Variants in FYN observed in about 807,000 individuals in gnomAD.
The protein encoded by FYN is tyrosine-protein kinase Fyn.
FYN carries 10 observed loss-of-function variants against 70.2 expected under a neutral mutation model. That is an observed-to-expected ratio of 0.14 (90% confidence interval 0.09 to 0.24). The LOEUF is 0.24. Ranked by LOEUF, FYN falls within the 10% of genes least tolerant of loss-of-function variation. The pLI is 1.00. For synonymous variants in FYN, 236 were observed against 248.6 expected (o/e 0.95, Z 0.48); for missense variants, 319 against 673.1 (o/e 0.47, Z 5.82).
intron 3 of FYN, among the ~76,000 whole-genome samples, chr6:111,723,921 C>A (rs1801070132): frequency 6.6e-6 from 1 of 152,104 alleles, no homozygotes; most frequent in African/African-American, 2.4e-5. Context: ...ATACCACATG[C>A]CATGAACTCA....
chr6:111,684,379 G>A (rs941151458), intron 12 of FYN, among the ~76,000 whole-genome samples: 6 of 152,164 alleles, frequency 3.9e-5, no homozygotes, highest in Admixed American at 3.9e-4. Context: ...TTCAAGACTG[G>A]ACAGAGAAGA....
intron 1 of FYN, among the ~76,000 whole-genome samples, chr6:111,854,942 C>T (rs1335534162): frequency 2.0e-5 from 3 of 152,164 alleles, no homozygotes; most frequent in East Asian, 3.9e-4. Context: ...ATTTAACATA[C>T]GCAGCTGCAG....
At chr6:111,844,070 T>C (rs1284306508) in intron 2 of FYN, among the ~76,000 whole-genome samples, 2 of 152,228 alleles carry the variant, frequency 1.3e-5, no homozygotes, top group Admixed American at 6.5e-5. Context: ...AGTAGAATCC[T>C]TACTATAACT....
At chr6:111,745,601 A>C (rs991512298) in intron 3 of FYN, among the ~76,000 whole-genome samples, 5 of 152,180 alleles carry the variant, frequency 3.3e-5, no homozygotes, top group African/African-American at 1.2e-4. Flanking sequence ...GCAGGGCCCA[A>C]ATGTGAAGGA....
At position 111,775,189 on chromosome 6, in the gene FYN, T is replaced by C. The variant is rs544136602; in HGVS notation, c.-12+5377A>G. On this transcript the variant is annotated intron_variant, in intron 3 of 13. Coordinates refer to ENST00000354650, the MANE Select transcript of FYN (RefSeq NM_002037.5). ...ATGCACTAGAATATGTGACAGCTAC[T>C]TGTTCTGAAAATGTTCCCCTTAATA... Among the ~76,000 whole-genome samples the C allele has an allele frequency of 4.6e-5, 7 of 152,324 alleles. No individual in the cohort carries two copies. The East Asian group carries it at 1.3e-3, about 29-fold the overall frequency.
At chr6:111,696,560 C>T in intron 9 of FYN, 104 bp from the exon 10 acceptor site, 1 of 877,870 alleles carries the variant, frequency 1.1e-6, no homozygotes, top group African/African-American at 1.7e-5. Flanking sequence ...AAATTTAAAA[C>T]ACTTAATACA....
chr6:111,800,893 G>A (rs1373885256), intron 2 of FYN, among the ~76,000 whole-genome samples: 1 of 152,110 alleles, frequency 6.6e-6, no homozygotes, highest in Non-Finnish European at 1.5e-5. Context: ...AGTATAAATG[G>A]CAAATGACTA....
At chr6:111,822,840 AC>A (rs752441712) in intron 2 of FYN, among the ~76,000 whole-genome samples, 3 of 152,204 alleles carry the variant, frequency 2.0e-5, no homozygotes, top group Admixed American at 6.5e-5. Flanking sequence ...ATGCATGTCA[AC>A]CACACCATCA....
chr6:111,841,519 T>A (rs1010142833), intron 2 of FYN, among the ~76,000 whole-genome samples: 1 of 152,190 alleles, frequency 6.6e-6, no homozygotes, highest in Non-Finnish European at 1.5e-5. Context: ...GGCAATTCAT[T>A]CCCCTTTGGC....
chr6:111,690,271 G>A (rs1486037764), intron 12 of FYN, among the ~76,000 whole-genome samples: 6 of 152,098 alleles, frequency 3.9e-5, no homozygotes, highest in East Asian at 1.9e-4. Flanking sequence ...GCAGTGGTGG[G>A]GTAGGGAGGT....
chr6:111,711,976 C>G (rs1800400483), intron 5 of FYN, among the ~76,000 whole-genome samples: 1 of 152,144 alleles, frequency 6.6e-6, no homozygotes, highest in Non-Finnish European at 1.5e-5. Context: ...TCTACAAGAA[C>G]AGGGTTGGAG....
chr6:111,771,536 C>G (rs974585140), intron 3 of FYN, among the ~76,000 whole-genome samples: 6 of 152,108 alleles, frequency 3.9e-5, no homozygotes, highest in African/African-American at 1.4e-4. Context: ...TCCCCCAAAT[C>G]AAAACACTAT....
intron 2 of FYN, among the ~76,000 whole-genome samples, chr6:111,831,508 A>T (rs942259005): frequency 1.3e-5 from 2 of 152,140 alleles, no homozygotes; most frequent in African/African-American, 4.8e-5. Context: ...AATATTCACA[A>T]ATCTGTAATA....
At position 111,779,120 on chromosome 6, in the gene FYN, C is replaced by CTTTTTT. The variant is rs776994144; in HGVS notation, c.-12+1445_-12+1446insAAAAAA. 2.8e-4 allele frequency among the ~76,000 whole-genome samples: 31 copies of CTTTTTT among 112,564 alleles called. 1 individual carries two copies. The highest frequency in any genetic ancestry group is 6.7e-4 in the African/African-American group (19 of 28,326). The allele number at this position is 112,564 out of a possible 152,430, so 73.8% of individuals were successfully genotyped here. A position where few individuals can be genotyped will look rare whatever the true frequency, so the allele number is the denominator to read the frequency against. ...TCCCTTGTCAGGGATCAGTAGGAGA[C>CTTTTTT]ATTTTTTTTTTTTTTTTTTTTTTTT... On this transcript the variant is annotated intron_variant, in intron 3 of 13. Coordinates refer to ENST00000354650, the MANE Select transcript of FYN (RefSeq NM_002037.5).
At chr6:111,744,708 T>C (rs1802129209) in intron 3 of FYN, among the ~76,000 whole-genome samples, 1 of 152,190 alleles carries the variant, frequency 6.6e-6, no homozygotes, top group East Asian at 1.9e-4. Context: ...GGAATGATGA[T>C]CCATCCCCTG....
chr6:111,688,508 A>G (rs1339775169), intron 12 of FYN, among the ~76,000 whole-genome samples: 1 of 152,080 alleles, frequency 6.6e-6, no homozygotes, highest in African/African-American at 2.4e-5. Flanking sequence ...AAATACTACT[A>G]TGTGCTCTGT....
intron 2 of FYN, among the ~76,000 whole-genome samples, chr6:111,828,598 C>T (rs1772911269): frequency 6.7e-6 from 1 of 149,344 alleles, no homozygotes; most frequent in Non-Finnish European, 1.5e-5. Context: ...AATTTTGACA[C>T]ACGCTACAAC....
chr6:111,675,463 C>CTTG (rs143593037), intron 12 of FYN, among the ~76,000 whole-genome samples: 3,561 of 152,082 alleles, frequency 0.023, 141 homozygotes, highest in African/African-American at 0.083. Context: ...TGTGGTCCAC[C>CTTG]TTGCTTTCTA....
chr6:111,817,855 C>T (rs942477814), intron 2 of FYN, among the ~76,000 whole-genome samples: 1 of 152,228 alleles, frequency 6.6e-6, no homozygotes, highest in African/African-American at 2.4e-5. Flanking sequence ...AAGTGTCTCT[C>T]TTTGGATTCC....
Sources: gnomAD v4.1 joint callset for allele counts (sites outside exome capture counted in the v4.1 genomes callset) on GRCh38, gnomAD v4.1.1 for gene constraint, MANE v1.5 for transcripts, NCBI Gene and HGNC (gene_info 2026-07-23, HGNC 2026-07-21) for gene names.